BCAS3: variants seen among roughly 807,000 people sequenced by gnomAD.
BCAS3 encodes BCAS4/BCAS3 fusion.
A neutral mutation model predicts 116.1 loss-of-function variants in BCAS3; 53 were observed. That is an observed-to-expected ratio of 0.46 (90% CI 0.37 to 0.57). The LOEUF is 0.57. Ranked by LOEUF, BCAS3 falls within the 20% of genes least tolerant of loss-of-function variation. The probability of loss-of-function intolerance (pLI) is 0.00; values close to 1 mark genes in which losing one functional copy is unlikely to be tolerated. For missense variants in BCAS3, 917 were observed against 1,165.4 expected, an observed-to-expected ratio of 0.79 and a Z score of 3.10; for synonymous variants, 391 against 408.2, an observed-to-expected ratio of 0.96 and a Z score of 0.51.
At chr17:61,045,883 A>G (rs1183359626) in intron 19 of BCAS3, among the ~76,000 whole-genome samples, 1 of 44,212 alleles carries the variant, frequency 2.3e-5, no homozygotes, top group Non-Finnish European at 3.1e-5. Context: ...ATAAATATAT[A>G]TTATATATAT....
intron 22 of BCAS3, among the ~76,000 whole-genome samples, chr17:61,232,870 A>AC (rs1310873898): frequency 6.6e-6 from 1 of 152,196 alleles, no homozygotes; most frequent in Non-Finnish European, 1.5e-5. Context: ...TTGCTTATCT[A>AC]TTTAGCAGGC....
rs1474596135 is a variant in BCAS3 at position 61,229,914 on chromosome 17, C to G, written c.2426-138413C>G. ...CCAAGGCGGGCGGTTCACCTGAGGT[C>G]AGGAGTTCAAGACCAGCCTGGCCAA... On this transcript the variant is annotated intron_variant, in intron 22 of 23. Coordinates refer to ENST00000407086, the MANE Select transcript of BCAS3 (RefSeq NM_017679.5). The surrounding 1 kb of genome is among the most constrained non-coding windows in gnomAD (Gnocchi z 4.4). 6.6e-6 allele frequency among the ~76,000 whole-genome samples: 1 copy of G among 152,220 alleles called. No homozygotes were observed. Among genetic ancestry groups the G allele is most frequent in the Non-Finnish European group, 1.5e-5 (1 of 68,036 alleles).
Position 61,333,149 on chromosome 17 carries a change from T to C in BCAS3, c.2426-35178T>C, listed in dbSNP as rs2056423819. On this transcript the variant is annotated intron_variant, in intron 22 of 23. Coordinates refer to ENST00000407086, the MANE Select transcript of BCAS3 (RefSeq NM_017679.5). This position sits in a 1 kb window ranked among gnomAD's most constrained non-coding sequence, Gnocchi z 4.8. ...ACTCACACCTATTTCTGGACCTTTA[T>C]TGGCAGGTGGGTCAGAGAGGACACC... is the stretch of plus-strand genomic sequence containing the variant. Among the ~76,000 whole-genome samples, 1 of 152,194 alleles carries C rather than the reference T, an allele frequency of 6.6e-6. No homozygotes were observed. Among genetic ancestry groups the C allele is most frequent in the African/African-American group, 2.4e-5 (1 of 41,444 alleles).
intron 22 of BCAS3, among the ~76,000 whole-genome samples, chr17:61,121,764 C>T (rs111899113): frequency 3.9e-5 from 6 of 152,104 alleles, no homozygotes; most frequent in African/African-American, 9.7e-5. Flanking sequence ...GGAGTCTTGC[C>T]GTGTCACCCA....
intron 15 of BCAS3, among the ~76,000 whole-genome samples, chr17:61,006,819 T>G (rs2064751859): frequency 6.6e-6 from 1 of 152,032 alleles, no homozygotes. Context: ...TTTAAAAAAT[T>G]TTTATTTATA....
At chr17:61,114,966 T>C (rs1168793020) in intron 22 of BCAS3, among the ~76,000 whole-genome samples, 10 of 151,822 alleles carry the variant, frequency 6.6e-5, no homozygotes, top group Non-Finnish European at 1.0e-4. Context: ...CTTTGACAAA[T>C]CTGAGAAAAA....
At chr17:60,802,942 T>C (rs1260610606) in intron 6 of BCAS3, among the ~76,000 whole-genome samples, 1 of 152,186 alleles carries the variant, frequency 6.6e-6, no homozygotes, top group Non-Finnish European at 1.5e-5. Context: ...AACTTTATTG[T>C]GAGGTGCTTT....
rs145082190 is a variant in BCAS3, at chr17:61,268,049, A to C, written c.2426-100278A>C. 2.0e-4 allele frequency among the ~76,000 whole-genome samples: 30 copies of C among 152,288 alleles called. No homozygotes were observed. In the East Asian group the frequency reaches 5.4e-3, roughly 27 times the overall value. On this transcript the variant is annotated intron_variant, in intron 22 of 23. Transcript: ENST00000407086. ...TGTTACTCACTTGTAGATGTCACTCAGGCCACAGACAGACTGTCATTCACT... is the reference window on the plus strand; with the variant it reads ...TGTTACTCACTTGTAGATGTCACTCCGGCCACAGACAGACTGTCATTCACT...
At chr17:60,893,764 A>G (rs892320911) in intron 10 of BCAS3, among the ~76,000 whole-genome samples, 2 of 151,932 alleles carry the variant, frequency 1.3e-5, no homozygotes, top group African/African-American at 4.8e-5. Flanking sequence ...ACATGCTACC[A>G]CACCTGGCTA....
intron 7 of BCAS3, among the ~76,000 whole-genome samples, chr17:60,867,099 G>A (rs1429535217): frequency 1.3e-5 from 2 of 149,522 alleles, no homozygotes; most frequent in African/African-American, 5.0e-5. Context: ...CTTTTAGGTA[G>A]GTTTTTTTGT....
rs1464266369 is a variant in BCAS3, at chr17:61,205,126, T to C, written c.2425+120562T>C. Among the ~76,000 whole-genome samples the C allele has an allele frequency of 6.6e-6, 1 of 152,068 alleles. No individual in the cohort carries two copies. The highest frequency in any genetic ancestry group is 2.1e-4 in the South Asian group (1 of 4,820). On this transcript the variant is annotated intron_variant, in intron 22 of 23. Transcript: ENST00000407086. This position sits in a 1 kb window ranked among gnomAD's most constrained non-coding sequence, Gnocchi z 5.2. ...TTGGTCCACACTAAGTAAGAAGTAT[T>C]ATTTTTCTCATTTCTACCTATGAAA...
chr17:60,719,016 C>T (rs1019985454), intron 5 of BCAS3, among the ~76,000 whole-genome samples: 3 of 152,058 alleles, frequency 2.0e-5, no homozygotes, highest in South Asian at 2.1e-4. Flanking sequence ...GAGCCAAGAT[C>T]GCGCCATTGC....
At position 61,343,154 on chromosome 17, in the gene BCAS3, G is replaced by A. The variant is rs1167858670; in HGVS notation, c.2426-25173G>A. Among the ~76,000 whole-genome samples the A allele has an allele frequency of 6.6e-6, 1 of 152,170 alleles. No individual in the cohort carries two copies. The highest frequency in any genetic ancestry group is 2.4e-5 in the African/African-American group (1 of 41,444). On this transcript the variant is annotated intron_variant, in intron 22 of 23. Coordinates refer to ENST00000407086, the MANE Select transcript of BCAS3 (RefSeq NM_017679.5). This position sits in a 1 kb window ranked among gnomAD's most constrained non-coding sequence, Gnocchi z 5.5. ...GAGGAGGGTCAATTCGTGGAGGGGTGGCACCAAATGCCTCTATCATCCCTC... is the reference window on the plus strand; with the variant it reads ...GAGGAGGGTCAATTCGTGGAGGGGTAGCACCAAATGCCTCTATCATCCCTC...
At chr17:60,860,681 A>G (rs1055053536) in intron 7 of BCAS3, among the ~76,000 whole-genome samples, 2 of 152,052 alleles carry the variant, frequency 1.3e-5, no homozygotes, top group African/African-American at 4.8e-5. Flanking sequence ...TTTCATATAT[A>G]GAGCCCAGTT....
At chr17:61,150,765 G>A (rs1473771918) in intron 22 of BCAS3, among the ~76,000 whole-genome samples, 26 of 152,150 alleles carry the variant, frequency 1.7e-4, no homozygotes, top group Admixed American at 1.7e-3. Context: ...CCCCCAGACT[G>A]CTTTTGGAAC....
intron 23 of BCAS3, among the ~76,000 whole-genome samples, chr17:61,375,966 C>T (rs1374269648): frequency 1.3e-5 from 2 of 152,200 alleles, no homozygotes. Context: ...TAGTTGACCA[C>T]ATTTGACTTT....
intron 19 of BCAS3, 36 bp from the exon 20 acceptor site, chr17:61,074,884 A>C: frequency 6.9e-7 from 1 of 1,459,072 alleles, no homozygotes; most frequent in Non-Finnish European, 9.5e-7. Flanking sequence ...ACTGCATGGA[A>C]TGAAGTGGTT....
At chr17:60,965,921 C>T (rs1057492365) in intron 14 of BCAS3, among the ~76,000 whole-genome samples, 4 of 152,112 alleles carry the variant, frequency 2.6e-5, no homozygotes, top group African/African-American at 9.7e-5. Context: ...ATGATTTGTC[C>T]ATTACTGGAG....
chr17:60,756,939 C>T (rs554302810), intron 6 of BCAS3, among the ~76,000 whole-genome samples: 17 of 152,180 alleles, frequency 1.1e-4, no homozygotes, highest in Non-Finnish European at 1.8e-4. Context: ...GTAATCCCAG[C>T]GGATCACGAG....
Sources: allele counts gnomAD v4.1 joint callset (sites outside exome capture counted in the v4.1 genomes callset), GRCh38; gene constraint gnomAD v4.1.1; non-coding constraint Gnocchi (gnomAD v3.1); transcripts MANE v1.5; gene names NCBI Gene and HGNC (gene_info 2026-07-23, HGNC 2026-07-21).